The following PRKAA2 variants were observed in gnomAD, a reference collection of about 807,000 sequenced individuals.
PRKAA2 encodes protein kinase AMP-activated catalytic subunit alpha 2.
Under a neutral mutation model 56.3 loss-of-function variants are expected in PRKAA2, and 40 were observed. The ratio of observed to expected loss-of-function variants is 0.71; its 90% CI spans 0.55 to 0.92. The LOEUF is 0.92. Among genes scored for constraint, PRKAA2 ranks in the 40% least tolerant of loss-of-function variants. The probability of loss-of-function intolerance (pLI) is 0.00; values close to 1 mark genes in which losing one functional copy is unlikely to be tolerated. For missense variants in PRKAA2, 542 were observed against 686.9 expected (o/e 0.79, Z 2.36); for synonymous variants, 214 against 234.2 (o/e 0.91, Z 0.79).
At chr1:56,700,774 A>G (rs775798194) in intron 6 of PRKAA2, among the ~76,000 whole-genome samples, 1 of 152,100 alleles carries the variant, frequency 6.6e-6, no homozygotes, top group South Asian at 2.1e-4. Flanking sequence ...CAGTTCTCTC[A>G]TGGTAAGATT....
At chr1:56,654,751 C>A (rs1643927082) in intron 1 of PRKAA2, among the ~76,000 whole-genome samples, 1 of 151,978 alleles carries the variant, frequency 6.6e-6, no homozygotes, top group South Asian at 2.1e-4. Flanking sequence ...TAATAGAAGC[C>A]TTCTTCACCC....
intron 1 of PRKAA2, among the ~76,000 whole-genome samples, chr1:56,668,782 T>C (rs1158809961): frequency 6.6e-6 from 1 of 152,198 alleles, no homozygotes; most frequent in Non-Finnish European, 1.5e-5. Flanking sequence ...GTGTCTTGCC[T>C]GTGGTAAAAA....
At chr1:56,702,660 CA>C (rs1453515350) in intron 6 of PRKAA2, among the ~76,000 whole-genome samples, 2 of 152,180 alleles carry the variant, frequency 1.3e-5, no homozygotes, top group Non-Finnish European at 2.9e-5. Flanking sequence ...GGTCTTTGCA[CA>C]TATTGTTTCT....
chr1:56,667,991 A>G (rs931119093), intron 1 of PRKAA2, among the ~76,000 whole-genome samples: 1 of 152,154 alleles, frequency 6.6e-6, no homozygotes, highest in African/African-American at 2.4e-5. Context: ...TTTTTAAGCT[A>G]TGGTAATACA....
intron 1 of PRKAA2, among the ~76,000 whole-genome samples, chr1:56,666,729 T>C (rs1644038699): frequency 6.6e-6 from 1 of 152,164 alleles, no homozygotes; most frequent in Non-Finnish European, 1.5e-5. Context: ...TAGTGAATGA[T>C]GTTACAGGAA....
intron 6 of PRKAA2, among the ~76,000 whole-genome samples, chr1:56,696,571 AGT>A (rs1327099174): frequency 6.6e-6 from 1 of 152,038 alleles, no homozygotes; most frequent in Non-Finnish European, 1.5e-5. Context: ...CAGGGTAGAG[AGT>A]GTGTCTTATT....
chr1:56,666,904 A>G (rs1412045573), intron 1 of PRKAA2, among the ~76,000 whole-genome samples: 1 of 152,086 alleles, frequency 6.6e-6, no homozygotes. Context: ...GCTTCCCAAT[A>G]TCAGTGGAGC....
chr1:56,667,775 T>A (rs1261053268), intron 1 of PRKAA2, among the ~76,000 whole-genome samples: 2 of 152,146 alleles, frequency 1.3e-5, no homozygotes, highest in African/African-American at 4.8e-5. Context: ...TGAGAAAGAA[T>A]AATTAACTGT....
rs1028821881 is a variant in PRKAA2 at position 56,665,396 on chromosome 1, C to T, written c.95-8985C>T. Among the ~76,000 whole-genome samples the T allele has an allele frequency of 2.8e-4, 42 of 152,106 alleles. 2 individuals are homozygous for T. Among genetic ancestry groups the T allele is most frequent in the Non-Finnish European group, 1.0e-4 (7 of 68,012 alleles). ...GCCTAGCTAGTACCTTTCTAAAGTA[C>T]AATGTACGAGTACTTTTCTTTCCAT... On this transcript the variant is annotated intron_variant, in intron 1 of 8. Coordinates refer to ENST00000371244, the MANE Select transcript of PRKAA2 (RefSeq NM_006252.4).
In PRKAA2 at chr1:56,664,955, C is replaced by T. The variant is rs191244500; in HGVS notation, c.95-9426C>T. Among the ~76,000 whole-genome samples the T allele has an allele frequency of 7.3e-5, 11 of 151,590 alleles. 1 individual carries two copies. Among genetic ancestry groups the T allele is most frequent in the Admixed American group, 5.3e-4 (8 of 15,176 alleles). ...CACGCATTACCATTACTATTAGCTG[C>T]CTTTCAGAATTACCTGTTTTCTATT... On this transcript the variant is annotated intron_variant, in intron 1 of 8. Coordinates refer to ENST00000371244, the MANE Select transcript of PRKAA2 (RefSeq NM_006252.4).
intron 6 of PRKAA2, among the ~76,000 whole-genome samples, chr1:56,699,377 C>T (rs893685469): frequency 5.9e-5 from 9 of 151,902 alleles, no homozygotes; most frequent in Non-Finnish European, 1.3e-4. Context: ...GTATAATAGC[C>T]CATGTGAAGT....
intron 2 of PRKAA2, 152 bp from the exon 3 acceptor site, chr1:56,691,242 T>C: frequency 2.3e-6 from 1 of 442,758 alleles, no homozygotes; most frequent in Admixed American, 3.8e-5. Context: ...TCCGTGTTTA[T>C]TGCTCTGTGA....
rs1050727726 is a variant in PRKAA2, at chr1:56,710,695, G to T, written c.*2982G>T. 1 of 152,028 alleles carries T rather than the reference G, an allele frequency of 6.6e-6. No homozygotes were observed. The highest frequency in any genetic ancestry group is 1.5e-5 in the Non-Finnish European group (1 of 67,960). The allele number at this position is 152,028 out of a possible 1,614,324, so 9.4% of individuals were successfully genotyped here. A position where few individuals can be genotyped will look rare whatever the true frequency, so the allele number is the denominator to read the frequency against. The stretch of plus-strand genomic sequence containing the variant: ...TTTCTGTGTCTGCAACTTGTTTCAT[G>T]ACACCTTGGTTTTCTTAATCATCTT... On this transcript the variant is annotated 3_prime_UTR_variant, in exon 9 of 9. Coordinates refer to ENST00000371244, the MANE Select transcript of PRKAA2 (RefSeq NM_006252.4).
chr1:56,655,280 A>ATATATATTTTTTTTTTTTTT, intron 1 of PRKAA2, among the ~76,000 whole-genome samples: 7 of 93,652 alleles, frequency 7.5e-5, no homozygotes, highest in Non-Finnish European at 1.2e-4. Flanking sequence ...ATATATATAT[A>ATATATATTTTTTTTTTTTTT]TTTTTTTTTT....
chr1:56,652,008 ATTTTTTT>A lies in PRKAA2; in HGVS notation c.94+6543_94+6549del, dbSNP rs35462805. Among the ~76,000 whole-genome samples the A allele has an allele frequency of 7.5e-5, 8 of 106,524 alleles. No individual in the cohort carries two copies. In the East Asian group the frequency reaches 1.2e-3, roughly 17 times the overall value. The allele number at this position is 106,524 out of a possible 152,430, so 69.9% of individuals were successfully genotyped here. On this transcript the variant is annotated intron_variant, in intron 1 of 8. Transcript: ENST00000371244. ...AGGCGCCTGCCACCACGCCTGGCTA[ATTTTTTT>A]TTTTTTTTTTTTTTTGGAGACAGAA...
chr1:56,702,011 C>A (rs2100434862), intron 6 of PRKAA2, among the ~76,000 whole-genome samples: 1 of 152,170 alleles, frequency 6.6e-6, no homozygotes, highest in Non-Finnish European at 1.5e-5. Context: ...TTGTACATAT[C>A]CTCAGGGCCT....
At chr1:56,652,196 A>G (rs951862435) in intron 1 of PRKAA2, among the ~76,000 whole-genome samples, 1 of 151,576 alleles carries the variant, frequency 6.6e-6, no homozygotes, top group African/African-American at 2.4e-5. Context: ...GTATTGTAGT[A>G]GAGATGGGGT....
intron 6 of PRKAA2, among the ~76,000 whole-genome samples, chr1:56,699,439 C>T (rs529813273): frequency 3.9e-5 from 6 of 152,110 alleles, no homozygotes; most frequent in Admixed American, 3.9e-4. Context: ...TTACTGCTCA[C>T]TTTGGTAGAG....
intron 2 of PRKAA2, among the ~76,000 whole-genome samples, chr1:56,686,540 C>G (rs565291738): frequency 1.0e-3 from 154 of 152,254 alleles, no homozygotes; most frequent in Admixed American, 2.3e-3. Context: ...GCTTTTACTT[C>G]TAGTAAGGGT....
Sources: gnomAD v4.1 joint callset for allele counts (sites outside exome capture counted in the v4.1 genomes callset) on GRCh38, gnomAD v4.1.1 for gene constraint, MANE v1.5 for transcripts, NCBI Gene and HGNC (gene_info 2026-07-23, HGNC 2026-07-21) for gene names.